CDH12: variants seen among roughly 807,000 people sequenced by gnomAD.
CDH12 encodes cadherin-12.
In CDH12, 41 loss-of-function variants were observed where a neutral mutation model predicts 74.1. The observed-to-expected ratio is 0.55, with a 90% confidence interval of 0.43 to 0.72. CDH12 has a LOEUF of 0.72. Among genes scored for constraint, CDH12 ranks in the 30% least tolerant of loss-of-function variants. The pLI is 0.00. For missense variants in CDH12, 945 were observed against 977.2 expected, an observed-to-expected ratio of 0.97 and a Z score of 0.44; for synonymous variants, 399 against 355.0, an observed-to-expected ratio of 1.12 and a Z score of -1.39.
intron 3 of CDH12, among the ~76,000 whole-genome samples, chr5:22,275,934 A>C (rs2150403335): frequency 6.6e-6 from 1 of 152,258 alleles, no homozygotes; most frequent in South Asian, 2.1e-4. Context: ...AATATTTTAA[A>C]GTTACCCTAT....
chr5:22,848,131 A>C (rs1737390787), intron 1 of CDH12, among the ~76,000 whole-genome samples: 1 of 152,056 alleles, frequency 6.6e-6, no homozygotes, highest in Non-Finnish European at 1.5e-5. Flanking sequence ...ATTTCCCTTC[A>C]TTATGTACTA....
intron 4 of CDH12, among the ~76,000 whole-genome samples, chr5:22,164,665 C>G (rs1161790468): frequency 2.0e-5 from 3 of 152,026 alleles, no homozygotes; most frequent in Admixed American, 2.0e-4. Flanking sequence ...GGTTTATATC[C>G]CGATCCTTGT....
chr5:22,346,219 G>C (rs867198750), intron 3 of CDH12, among the ~76,000 whole-genome samples: 1 of 151,888 alleles, frequency 6.6e-6, no homozygotes, highest in Non-Finnish European at 1.5e-5. Flanking sequence ...AAATAAAAAG[G>C]TGTCATTCTA....
At chr5:21,812,762 A>G (rs1269751084) in intron 9 of CDH12, among the ~76,000 whole-genome samples, 1 of 152,172 alleles carries the variant, frequency 6.6e-6, no homozygotes, top group Non-Finnish European at 1.5e-5. Flanking sequence ...TTTAAGTTTC[A>G]TTACAAAAAT....
Position 21,752,032 on chromosome 5 carries a change from G to A in CDH12, c.2090C>T (p.Ser697Phe). The A allele has an allele frequency of 6.2e-7, 1 of 1,614,102 alleles. No individual in the cohort carries two copies. Among genetic ancestry groups the A allele is most frequent in the Non-Finnish European group, 8.5e-7 (1 of 1,180,002 alleles). The change falls in exon 15 of 15, where the codon TCT (serine) becomes TTT (phenylalanine). Residue 697 changes from serine (S) to phenylalanine (F), a missense_variant. Around this residue, in one of 3 missense-constraint regions of CDH12, gnomAD observed 791 missense variants for 792.8 expected, o/e 1.00. Transcript: ENST00000382254. ...TGGTCTCTGACGAGGTAAACAGAGA[G>A]AGTCTGGTTTTATATCCCTGCGAAT... The part of the protein sequence containing the change: ...NKIRRDIKPD[S>F]LCLPRQRPPM...
intron 5 of CDH12, among the ~76,000 whole-genome samples, chr5:22,040,903 T>C (rs1739526972): frequency 6.6e-6 from 1 of 151,792 alleles, no homozygotes; most frequent in African/African-American, 2.4e-5. Context: ...AAATTGAGAA[T>C]ACCCCAAGGC....
intron 4 of CDH12, among the ~76,000 whole-genome samples, chr5:22,117,394 G>A (rs1258051245): frequency 2.2e-5 from 3 of 133,838 alleles, no homozygotes; most frequent in Non-Finnish European, 4.7e-5. Flanking sequence ...CAGAATCCAT[G>A]CACTATTCTA....
chr5:22,851,377 C>T (rs190487022), intron 1 of CDH12, among the ~76,000 whole-genome samples: 68 of 152,146 alleles, frequency 4.5e-4, no homozygotes, highest in Admixed American at 1.7e-3. Flanking sequence ...GTTAAGAACA[C>T]AGCAAGCAGA....
chr5:21,983,616 GAA>G (rs1444926170), intron 5 of CDH12, among the ~76,000 whole-genome samples: 2 of 152,082 alleles, frequency 1.3e-5, no homozygotes, highest in African/African-American at 2.4e-5. Context: ...TCAGCACTCA[GAA>G]ATTTTTATCA....
At chr5:22,150,029 AAATT>A (rs1251152802) in intron 4 of CDH12, among the ~76,000 whole-genome samples, 3 of 152,078 alleles carry the variant, frequency 2.0e-5, no homozygotes, top group East Asian at 3.9e-4. Context: ...TTTCGCTCAT[AAATT>A]AATTGATTCA....
chr5:22,450,763 T>C (rs2126561602), intron 2 of CDH12, among the ~76,000 whole-genome samples: 1 of 151,996 alleles, frequency 6.6e-6, no homozygotes, highest in East Asian at 1.9e-4. Flanking sequence ...AATCCAGCCC[T>C]GGCTAAGAAA....
intron 4 of CDH12, among the ~76,000 whole-genome samples, chr5:22,129,678 G>A (rs949816147): frequency 5.3e-5 from 8 of 152,012 alleles, no homozygotes; most frequent in African/African-American, 1.2e-4. Flanking sequence ...CCAGCTTTAC[G>A]TGTTTAATCG....
chr5:22,728,517 T>C (rs1744275139), intron 1 of CDH12, among the ~76,000 whole-genome samples: 1 of 151,942 alleles, frequency 6.6e-6, no homozygotes, highest in Admixed American at 6.6e-5. Flanking sequence ...CTTGAGGACT[T>C]AAAATAATAT....
At chr5:22,359,419 G>T (rs1043665036) in intron 3 of CDH12, among the ~76,000 whole-genome samples, 6 of 151,938 alleles carry the variant, frequency 3.9e-5, no homozygotes, top group Non-Finnish European at 8.8e-5. Flanking sequence ...GGAGCACCCA[G>T]ATTCAAAAAG....
chr5:21,818,890 G>A (rs1010289996), intron 8 of CDH12, among the ~76,000 whole-genome samples: 1 of 151,878 alleles, frequency 6.6e-6, no homozygotes, highest in African/African-American at 2.4e-5. Flanking sequence ...TATTATGAAG[G>A]AATCTCAGTT....
intron 6 of CDH12, among the ~76,000 whole-genome samples, chr5:21,876,822 T>G (rs79305593): frequency 1.3e-3 from 194 of 152,380 alleles, no homozygotes; most frequent in African/African-American, 4.5e-3. Context: ...TACTTTATGT[T>G]GCCTCAATAT....
At chr5:21,773,832 T>A (rs562993029) in intron 11 of CDH12, among the ~76,000 whole-genome samples, 2 of 152,348 alleles carry the variant, frequency 1.3e-5, no homozygotes, top group Admixed American at 6.5e-5. Context: ...TTCTTTATCA[T>A]GTGACATAAG....
chr5:22,751,671 C>T (rs952382921), intron 1 of CDH12, among the ~76,000 whole-genome samples: 1 of 152,080 alleles, frequency 6.6e-6, no homozygotes, highest in Non-Finnish European at 1.5e-5. Context: ...GTAGCTGCCG[C>T]AAAACTGTTG....
At chr5:22,315,208 C>T (rs1022718671) in intron 3 of CDH12, among the ~76,000 whole-genome samples, 3 of 145,290 alleles carry the variant, frequency 2.1e-5, no homozygotes, top group African/African-American at 5.1e-5. Flanking sequence ...GTGATCTGCC[C>T]GCCTCGGCCT....
Sources: allele counts gnomAD v4.1 joint callset (sites outside exome capture counted in the v4.1 genomes callset), GRCh38; gene constraint gnomAD v4.1.1; regional missense constraint gnomAD v4.1.1; transcripts MANE v1.5; gene names NCBI Gene and HGNC (gene_info 2026-07-23, HGNC 2026-07-21).